Variants in ROBO1 observed in about 807,000 individuals in gnomAD.
ROBO1 encodes roundabout guidance receptor 1, also known as roundabout homolog 1.
ROBO1 carries 149 observed loss-of-function variants against 195.9 expected under a neutral mutation model. The ratio of observed to expected loss-of-function variants is 0.76; its 90% CI spans 0.67 to 0.87. ROBO1 has a LOEUF of 0.87. ROBO1 is among the 40% of genes least tolerant of loss of function. The pLI, the probability that ROBO1 is intolerant of heterozygous loss-of-function variation, is 0.00. For missense variants in ROBO1, 1,933 were observed against 2,068.3 expected (o/e 0.93, Z 1.27); for synonymous variants, 816 against 733.2 (o/e 1.11, Z -1.82).
intron 3 of ROBO1, among the ~76,000 whole-genome samples, chr3:78,951,799 A>G (rs1383608040): frequency 6.6e-6 from 1 of 152,102 alleles, no homozygotes; most frequent in African/African-American, 2.4e-5. Context: ...ATTTCAAGGA[A>G]ATATATCAAA....
At chr3:78,950,353 C>T (rs1171317753) in intron 3 of ROBO1, among the ~76,000 whole-genome samples, 2 of 151,836 alleles carry the variant, frequency 1.3e-5, no homozygotes, top group South Asian at 2.1e-4. Flanking sequence ...GAGTTCATGT[C>T]CTTTGTAGGG....
intron 4 of ROBO1, among the ~76,000 whole-genome samples, chr3:78,833,487 C>T (rs1485340230): frequency 6.6e-6 from 1 of 151,162 alleles, no homozygotes; most frequent in East Asian, 1.9e-4. Context: ...TTTAATTATA[C>T]AAAACAATGA....
At chr3:79,714,620 C>T (rs970423040) in intron 1 of ROBO1, among the ~76,000 whole-genome samples, 2 of 151,584 alleles carry the variant, frequency 1.3e-5, no homozygotes, top group African/African-American at 4.9e-5. Flanking sequence ...CAATGATAGA[C>T]TGGATTAAGA....
chr3:79,566,525 CTT>C (rs1943094311), intron 2 of ROBO1, among the ~76,000 whole-genome samples: 1 of 152,000 alleles, frequency 6.6e-6, no homozygotes, highest in Non-Finnish European at 1.5e-5. Flanking sequence ...TTAAAAAAGT[CTT>C]TTAAATATTG....
chr3:79,412,874 ATTTTTTTTTTTT>A (rs1167482550), intron 2 of ROBO1, among the ~76,000 whole-genome samples: 28 of 38,344 alleles, frequency 7.3e-4, no homozygotes, highest in Admixed American at 1.6e-3. Flanking sequence ...TCATGAGCTG[ATTTTTTTTTTTT>A]TTTTTTTTTT....
At chr3:79,653,028 C>G (rs1206214752) in intron 1 of ROBO1, among the ~76,000 whole-genome samples, 3 of 151,654 alleles carry the variant, frequency 2.0e-5, no homozygotes, top group Non-Finnish European at 2.9e-5. Flanking sequence ...TTTTGCTTCA[C>G]TTAACCAAAA....
rs541218849 is a variant in ROBO1 at position 78,604,654 on chromosome 3, G to A, written c.4744+2079C>T. On this transcript the variant is annotated intron_variant, in intron 29 of 30. Transcript: ENST00000464233. Reference sequence around the variant, plus strand: ...TTTATCACCTCACTTGTGAGTCTATGCCTGGATTAGGAGTTCATGCTGCAG... The same window carrying A: ...TTTATCACCTCACTTGTGAGTCTATACCTGGATTAGGAGTTCATGCTGCAG... Among the ~76,000 whole-genome samples the A allele has an allele frequency of 1.5e-3, 234 of 152,296 alleles. 3 individuals are homozygous for A. The highest frequency in any genetic ancestry group is 3.2e-4 in the Non-Finnish European group (22 of 68,026).
chr3:78,939,867 T>C (rs1336848198), intron 3 of ROBO1, among the ~76,000 whole-genome samples: 1 of 151,922 alleles, frequency 6.6e-6, no homozygotes, highest in East Asian at 1.9e-4. Flanking sequence ...GAAAAGGATA[T>C]TGAGTGAGGG....
chr3:79,650,718 G>A (rs1034890718), intron 1 of ROBO1, among the ~76,000 whole-genome samples: 1 of 151,566 alleles, frequency 6.6e-6, no homozygotes, highest in African/African-American at 2.4e-5. Context: ...AATGAAAATA[G>A]ACCCCAAAGC....
rs1417421231 is a variant in ROBO1 at position 79,527,942 on chromosome 3, C to T, written c.88+61882G>A. On this transcript the variant is annotated intron_variant, in intron 2 of 30. Transcript: ENST00000464233. Reference sequence around the variant, plus strand: ...CTTCCGTATGAAAAAAATAATCGGGCCCCTCTACAAGGTGTGTGTGAATAC... The same window carrying T: ...CTTCCGTATGAAAAAAATAATCGGGTCCCTCTACAAGGTGTGTGTGAATAC... 3.9e-5 allele frequency: 6 copies of T among 152,414 alleles called. No individual in the cohort carries two copies. The East Asian group carries it at 1.2e-3, about 29-fold the overall frequency. The allele number at this position is 152,414 out of a possible 1,614,324, so 9.4% of individuals were successfully genotyped here.
Position 78,963,469 on chromosome 3 carries a change from G to A in ROBO1, c.173-24542C>T, listed in dbSNP as rs1439027360. Among the ~76,000 whole-genome samples the A allele has an allele frequency of 3.8e-5, 5 of 131,222 alleles. No individual in the cohort carries two copies. The East Asian group carries it at 1.3e-3, about 33-fold the overall frequency. The allele number at this position is 131,222 out of a possible 152,430, so 86.1% of individuals were successfully genotyped here. On this transcript the variant is annotated intron_variant, in intron 3 of 30. Transcript: ENST00000464233. ...TAAACATATATGCATTTTTTTTAGAGAGAAGATCCAGAGGAAAACCTTCAG... is the reference window on the plus strand; with the variant it reads ...TAAACATATATGCATTTTTTTTAGAAAGAAGATCCAGAGGAAAACCTTCAG...
intron 1 of ROBO1, among the ~76,000 whole-genome samples, chr3:79,661,508 CTT>C (rs1314788537): frequency 6.6e-6 from 1 of 151,888 alleles, no homozygotes; most frequent in East Asian, 1.9e-4. Flanking sequence ...ATCATTTCTT[CTT>C]TTCTTTCTTT....
intron 2 of ROBO1, among the ~76,000 whole-genome samples, chr3:79,321,457 T>C (rs981112982): frequency 1.3e-5 from 2 of 152,186 alleles, no homozygotes; most frequent in Non-Finnish European, 2.9e-5. Flanking sequence ...GATAACTTAT[T>C]AGTTTAGATG....
At chr3:79,432,959 C>G (rs925378715) in intron 2 of ROBO1, among the ~76,000 whole-genome samples, 1 of 152,066 alleles carries the variant, frequency 6.6e-6, no homozygotes, top group Non-Finnish European at 1.5e-5. Flanking sequence ...AAAATAAAAG[C>G]TAAAGTAAAT....
chr3:79,252,030 A>T (rs546731281), intron 2 of ROBO1, among the ~76,000 whole-genome samples: 1 of 152,148 alleles, frequency 6.6e-6, no homozygotes, highest in Non-Finnish European at 1.5e-5. Context: ...AAGAAAAAAA[A>T]AAAAGAACAA....
intron 2 of ROBO1, among the ~76,000 whole-genome samples, chr3:79,135,290 A>G (rs1313564954): frequency 1.3e-5 from 2 of 152,192 alleles, no homozygotes; most frequent in Admixed American, 6.5e-5. Flanking sequence ...GAAGTAAAAA[A>G]TACACTTTGA....
intron 2 of ROBO1, among the ~76,000 whole-genome samples, chr3:79,542,999 A>G (rs985029024): frequency 2.0e-5 from 3 of 152,104 alleles, no homozygotes; most frequent in African/African-American, 7.2e-5. Context: ...GTATATGACA[A>G]GGACATAAAA....
At chr3:79,119,126 G>C (rs961117233) in intron 3 of ROBO1, among the ~76,000 whole-genome samples, 5 of 152,128 alleles carry the variant, frequency 3.3e-5, no homozygotes, top group Non-Finnish European at 5.9e-5. Context: ...AAGTGCTAAT[G>C]AGAAACTTTA....
At chr3:79,518,124 T>C (rs7626242) in intron 2 of ROBO1, among the ~76,000 whole-genome samples, 110,770 of 152,072 alleles carry the variant, frequency 0.73, 41,473 homozygotes, top group African/African-American at 0.92. Context: ...CTAGATTTCA[T>C]ATAAGGTTCT....
Sources: gnomAD v4.1 joint callset for allele counts (sites outside exome capture counted in the v4.1 genomes callset) on GRCh38, gnomAD v4.1.1 for gene constraint, MANE v1.5 for transcripts, NCBI Gene and HGNC (gene_info 2026-07-23, HGNC 2026-07-21) for gene names.